Variants in KDM4C observed in about 807,000 individuals in gnomAD.
KDM4C encodes lysine-specific demethylase 4C.
In KDM4C, 81 loss-of-function variants were observed where a neutral mutation model predicts 129.3. The ratio of observed to expected loss-of-function variants is 0.63; its 90% confidence interval spans 0.52 to 0.75. KDM4C has a LOEUF of 0.75. Ranked by LOEUF, KDM4C falls within the 30% of genes least tolerant of loss-of-function variation. KDM4C has a pLI of 0.00. For synonymous variants in KDM4C, 573 were observed against 456.1 expected (o/e 1.26, Z -3.26); for missense variants, 1,457 against 1,304.0 (o/e 1.12, Z -1.81).
chr9:7,036,235 TC>T, intron 15 of KDM4C, among the ~76,000 whole-genome samples: 1 of 152,298 alleles, frequency 6.6e-6, no homozygotes, highest in South Asian at 2.1e-4. Context: ...GTATTTGAAA[TC>T]AAGTACTTTG....
chr9:7,021,004 C>T (rs1325954555), intron 15 of KDM4C, among the ~76,000 whole-genome samples: 3 of 151,454 alleles, frequency 2.0e-5, no homozygotes, highest in Non-Finnish European at 2.9e-5. Flanking sequence ...CTCTGGTAAC[C>T]ATCCTCCTAG....
chr9:6,970,391 C>G (rs73639418), intron 8 of KDM4C, among the ~76,000 whole-genome samples: 1 of 152,210 alleles, frequency 6.6e-6, no homozygotes, highest in African/African-American at 2.4e-5. Flanking sequence ...ACATTAGGCA[C>G]CAAAATATTT....
At position 6,853,334 on chromosome 9, in the gene KDM4C, A is replaced by T. The variant is rs146434500; in HGVS notation, c.629+3634A>T. ...AAAACTGTTTCTACAAAAAAAAAAA[A>T]TAAGAAAATTAGCCGGTCATAGTGG... is the stretch of plus-strand genomic sequence containing the variant. On this transcript the variant is annotated intron_variant, in intron 5 of 21. Coordinates refer to ENST00000381309, the MANE Select transcript of KDM4C (RefSeq NM_015061.6). Among the ~76,000 whole-genome samples, 1,300 of 150,886 alleles carry T rather than the reference A, an allele frequency of 8.6e-3. 12 individuals are homozygous for T. Among genetic ancestry groups the T allele is most frequent in the African/African-American group, 0.026 (1,071 of 40,568 alleles).
At chr9:6,878,154 C>T (rs777634270) in intron 5 of KDM4C, among the ~76,000 whole-genome samples, 23 of 152,230 alleles carry the variant, frequency 1.5e-4, no homozygotes, top group Non-Finnish European at 2.5e-4. Flanking sequence ...GTATGGCTTT[C>T]AGTTTGAGGA....
chr9:6,729,123 G>GAAAA (rs1554663576), intron 1 of KDM4C, among the ~76,000 whole-genome samples: 9 of 75,014 alleles, frequency 1.2e-4, no homozygotes, highest in African/African-American at 3.4e-4. Context: ...AGAATTGCTT[G>GAAAA]AACCCGGGAA....
At position 6,758,432 on chromosome 9, in the gene KDM4C, C is replaced by G. The variant is rs148782124; in HGVS notation, c.-18+229C>G. ...GGGGGCCGGTGACAGCCCGCTCCGG[C>G]CCTTACCGAGGTTCGGTACCCGCGC... On this transcript the variant is annotated intron_variant, in intron 1 of 21. Transcript: ENST00000381309. This position sits in a 1 kb window ranked among gnomAD's most constrained non-coding sequence, Gnocchi z 4.6. Among the ~76,000 whole-genome samples the G allele has an allele frequency of 6.6e-6, 1 of 152,200 alleles. No homozygotes were observed.
Position 7,174,673 on chromosome 9 carries a change from G to A in KDM4C, c.3115G>A (p.Val1039Ile), listed in dbSNP as rs913588. The A allele has an allele frequency of 0.47, 764,320 of 1,613,154 alleles. 187,064 individuals carry two copies. Among genetic ancestry groups the A allele is most frequent in the Non-Finnish European group, 0.51 (602,382 of 1,179,326 alleles). Reference sequence around the variant, plus strand: ...TAAGAATGAATATGTGGCCGACCCTGTATACCGCACTTTTTTGAAGAGCTC... The same window carrying A: ...TAAGAATGAATATGTGGCCGACCCTATATACCGCACTTTTTTGAAGAGCTC... The part of the protein sequence containing the change: ...RFKNEYVADP[V>I]YRTFLKSSFQ... Residue 1039 changes from valine (V) to isoleucine (I), a missense_variant, in exon 22 of 22, where the codon GTA becomes ATA. Val to Ile is a conservative substitution (Grantham distance 29). Coordinates refer to ENST00000381309, the MANE Select transcript of KDM4C (RefSeq NM_015061.6).
intron 6 of KDM4C, among the ~76,000 whole-genome samples, chr9:6,884,046 C>G (rs568149997): frequency 4.2e-4 from 64 of 152,232 alleles, no homozygotes; most frequent in African/African-American, 1.5e-3. Flanking sequence ...CGCACCATGT[C>G]TAGGAGATTA....
intron 12 of KDM4C, among the ~76,000 whole-genome samples, chr9:6,991,098 A>G (rs1181597928): frequency 6.6e-6 from 1 of 151,634 alleles, no homozygotes; most frequent in Non-Finnish European, 1.5e-5. Flanking sequence ...TTTTTTCAAG[A>G]CAGGGTCTCG....
chr9:6,989,591 CTTGT>C (rs1011201999), intron 11 of KDM4C, among the ~76,000 whole-genome samples: 3 of 151,908 alleles, frequency 2.0e-5, no homozygotes, highest in African/African-American at 7.3e-5. Context: ...CTTTTGGTTT[CTTGT>C]TTAATTGTTA....
chr9:7,101,956 C>T (rs1837145606), intron 17 of KDM4C, among the ~76,000 whole-genome samples: 1 of 151,932 alleles, frequency 6.6e-6, no homozygotes, highest in Non-Finnish European at 1.5e-5. Context: ...TTGGAACTGA[C>T]AAAAAGATAC....
At chr9:6,737,075 G>T (rs866617419) in intron 1 of KDM4C, among the ~76,000 whole-genome samples, 292 of 125,186 alleles carry the variant, frequency 2.3e-3, no homozygotes, top group African/African-American at 7.3e-3. Context: ...AAAAAAAAAA[G>T]TTTTTCAGTC....
intron 5 of KDM4C, among the ~76,000 whole-genome samples, chr9:6,860,297 C>G (rs1840688954): frequency 6.6e-6 from 1 of 152,132 alleles, no homozygotes; most frequent in Non-Finnish European, 1.5e-5. Context: ...TGGAAACATT[C>G]TTGAAGTCAG....
At chr9:6,936,433 C>G (rs1406145059) in intron 8 of KDM4C, among the ~76,000 whole-genome samples, 1 of 152,150 alleles carries the variant, frequency 6.6e-6, no homozygotes, top group Non-Finnish European at 1.5e-5. Context: ...TTATAGGTAA[C>G]AAAAACATTA....
chr9:6,800,174 C>G (rs1031256493), intron 2 of KDM4C, among the ~76,000 whole-genome samples: 1 of 152,046 alleles, frequency 6.6e-6, no homozygotes, highest in Non-Finnish European at 1.5e-5. Flanking sequence ...TTGAGACCAA[C>G]CTGGACAAAT....
chr9:6,757,998 C>T lies in KDM4C; in HGVS notation c.-223C>T, dbSNP rs117810624. On this transcript the variant is annotated 5_prime_UTR_variant, in exon 1 of 22. Coordinates refer to ENST00000381309, the MANE Select transcript of KDM4C (RefSeq NM_015061.6). Reference sequence around the variant, plus strand: ...AGAGCCGGCGGTGCGCGCGCCTTCGCCGCTGCCTCCCACCCACCCCCTCGA... The same window carrying T: ...AGAGCCGGCGGTGCGCGCGCCTTCGTCGCTGCCTCCCACCCACCCCCTCGA... 5.1e-6 allele frequency: 5 copies of T among 985,284 alleles called. No individual in the cohort carries two copies. Among genetic ancestry groups the T allele is most frequent in the South Asian group, 4.7e-5 (1 of 21,290 alleles). The allele number at this position is 985,284 out of a possible 1,614,324, so 61.0% of individuals were successfully genotyped here.
At chr9:6,963,207 G>C (rs1382973942) in intron 8 of KDM4C, among the ~76,000 whole-genome samples, 1 of 152,182 alleles carries the variant, frequency 6.6e-6, no homozygotes, top group Non-Finnish European at 1.5e-5. Flanking sequence ...GATTAAAAAA[G>C]TGATTCTTAG....
intron 4 of KDM4C, among the ~76,000 whole-genome samples, chr9:6,817,045 A>G (rs1296378378): frequency 1.3e-5 from 2 of 152,110 alleles, no homozygotes; most frequent in Non-Finnish European, 2.9e-5. Flanking sequence ...GGATGGAATG[A>G]TGGCTATGTA....
At chr9:6,814,876 A>G (rs1041356590) in intron 4 of KDM4C, 131 bp downstream of exon 4, 1 of 472,122 alleles carries the variant, frequency 2.1e-6, no homozygotes, top group Non-Finnish European at 3.7e-6. Flanking sequence ...GACAACAGGA[A>G]ATATTCATCA....
Sources: gnomAD v4.1 joint callset for allele counts (sites outside exome capture counted in the v4.1 genomes callset) on GRCh38, gnomAD v4.1.1 for gene constraint, Gnocchi (gnomAD v3.1) non-coding constraint, MANE v1.5 for transcripts, NCBI Gene and HGNC (gene_info 2026-07-23, HGNC 2026-07-21) for gene names.